The following GAS2 variants were observed in gnomAD, a reference collection of about 807,000 sequenced individuals.
GAS2 encodes growth arrest-specific protein 2.
A neutral mutation model predicts 37.5 loss-of-function variants in GAS2; 20 were observed. That is an observed-to-expected ratio of 0.53 (90% confidence interval 0.37 to 0.77). The LOEUF (loss-of-function observed/expected upper bound fraction) is 0.77. Among genes scored for constraint, GAS2 ranks in the 30% least tolerant of loss-of-function variants. The probability of loss-of-function intolerance (pLI) is 0.00; values close to 1 mark genes in which losing one functional copy is unlikely to be tolerated. For missense variants in GAS2, 336 were observed against 373.4 expected (o/e 0.90, Z 0.82); for synonymous variants, 144 against 132.2 (o/e 1.09, Z -0.61).
intron 1 of GAS2, among the ~76,000 whole-genome samples, chr11:22,653,373 G>T (rs1045277288): frequency 1.3e-5 from 2 of 152,182 alleles, no homozygotes; most frequent in African/African-American, 2.4e-5. Context: ...AGGACTCAAT[G>T]AAATGTTTGC....
At chr11:22,738,343 A>G (rs1360708865) in intron 5 of GAS2, among the ~76,000 whole-genome samples, 1 of 152,196 alleles carries the variant, frequency 6.6e-6, no homozygotes, top group Non-Finnish European at 1.5e-5. Context: ...GAAAAACAAG[A>G]ATTAATTTCA....
intron 5 of GAS2, among the ~76,000 whole-genome samples, chr11:22,746,626 C>T (rs1853416858): frequency 6.6e-6 from 1 of 152,124 alleles, no homozygotes; most frequent in Non-Finnish European, 1.5e-5. Flanking sequence ...TGCATGTTCT[C>T]ACTTATACAT....
At chr11:22,791,349 C>G (rs1169876982) in intron 7 of GAS2, among the ~76,000 whole-genome samples, 2 of 152,124 alleles carry the variant, frequency 1.3e-5, no homozygotes, top group Non-Finnish European at 2.9e-5. Context: ...ACCACCAGGT[C>G]CATGGTGTAG....
rs1590159457 is a variant in GAS2 at position 22,812,188 on chromosome 11, A to T, written c.*172A>T. On this transcript the variant is annotated 3_prime_UTR_variant, in exon 8 of 8. Transcript: ENST00000454584. ...CACTATTTATTTTTAATGCTTCTGT[A>T]GAATATGACCTATTAAAAGAAAATC... 1.7e-6 allele frequency: 1 copy of T among 574,244 alleles called. No individual in the cohort carries two copies. The highest frequency in any genetic ancestry group is 2.4e-5 in the South Asian group (1 of 41,984). The allele number at this position is 574,244 out of a possible 1,614,324, so 35.6% of individuals were successfully genotyped here.
intron 1 of GAS2, among the ~76,000 whole-genome samples, chr11:22,637,838 C>G (rs1373553458): frequency 1.4e-5 from 2 of 147,332 alleles, no homozygotes; most frequent in Non-Finnish European, 3.0e-5. Flanking sequence ...TATTTGAAGC[C>G]CAAAGCTGCC....
chr11:22,695,915 C>T (rs1263264768), intron 3 of GAS2, among the ~76,000 whole-genome samples: 2 of 152,040 alleles, frequency 1.3e-5, no homozygotes, highest in African/African-American at 2.4e-5. Flanking sequence ...TCTTCCTATG[C>T]AAATATTTCT....
At chr11:22,651,906 T>G (rs1350536492) in intron 1 of GAS2, among the ~76,000 whole-genome samples, 1 of 152,232 alleles carries the variant, frequency 6.6e-6, no homozygotes, top group Admixed American at 6.5e-5. Context: ...TCTGAAGCCT[T>G]CTTCTCTCAG....
intron 3 of GAS2, among the ~76,000 whole-genome samples, chr11:22,705,563 A>G (rs1025799843): frequency 6.6e-6 from 1 of 152,210 alleles, no homozygotes. Flanking sequence ...ATATGAACAT[A>G]TAATAATATA....
At chr11:22,644,669 G>A (rs1428431193) in intron 1 of GAS2, among the ~76,000 whole-genome samples, 1 of 130,422 alleles carries the variant, frequency 7.7e-6, no homozygotes, top group African/African-American at 2.5e-5. Flanking sequence ...CACCCAGGCT[G>A]CAGTGCAGTG....
At chr11:22,707,582 C>T (rs757229920) in intron 3 of GAS2, among the ~76,000 whole-genome samples, 11 of 152,014 alleles carry the variant, frequency 7.2e-5, no homozygotes, top group Non-Finnish European at 1.0e-4. Flanking sequence ...TCTAAGTGCT[C>T]GGGGAAGTTT....
chr11:22,761,917 G>A (rs537502604), intron 7 of GAS2, among the ~76,000 whole-genome samples: 170 of 152,140 alleles, frequency 1.1e-3, no homozygotes, highest in Middle Eastern at 6.8e-3. Flanking sequence ...GAATTTCTTG[G>A]ATGATTCAAT....
chr11:22,637,113 A>G (rs1189448553), intron 1 of GAS2, among the ~76,000 whole-genome samples: 20 of 128,416 alleles, frequency 1.6e-4, no homozygotes, highest in African/African-American at 5.5e-4. Flanking sequence ...CATTATATTA[A>G]TATAATATTA....
At chr11:22,760,437 A>T (rs1438069970) in intron 7 of GAS2, among the ~76,000 whole-genome samples, 2 of 152,220 alleles carry the variant, frequency 1.3e-5, no homozygotes, top group East Asian at 3.9e-4. Context: ...TAAGTCCTCC[A>T]GGTGTTTCAT....
intron 3 of GAS2, among the ~76,000 whole-genome samples, chr11:22,695,522 T>C (rs1360281655): frequency 3.9e-5 from 6 of 152,134 alleles, no homozygotes; most frequent in Non-Finnish European, 8.8e-5. Flanking sequence ...TGCTCATTCT[T>C]TTCATGTCTC....
intron 2 of GAS2, 92 bp downstream of exon 2, chr11:22,675,106 C>T: frequency 8.1e-7 from 1 of 1,230,116 alleles, no homozygotes; most frequent in Non-Finnish European, 1.1e-6. Flanking sequence ...CATGTGATAG[C>T]ACCTTGGAAA....
intron 7 of GAS2, among the ~76,000 whole-genome samples, chr11:22,774,342 A>G (rs1382163294): frequency 6.6e-6 from 1 of 152,176 alleles, no homozygotes; most frequent in Non-Finnish European, 1.5e-5. Context: ...TTATTCTGTT[A>G]CAAGTATTTC....
At chr11:22,688,002 T>C (rs2133955373) in intron 3 of GAS2, among the ~76,000 whole-genome samples, 1 of 152,346 alleles carries the variant, frequency 6.6e-6, no homozygotes, top group South Asian at 2.1e-4. Context: ...TTGCTTTGTT[T>C]ATAAGCCTTT....
At chr11:22,796,676 G>A (rs953932041) in intron 7 of GAS2, among the ~76,000 whole-genome samples, 1 of 152,026 alleles carries the variant, frequency 6.6e-6, no homozygotes, top group Non-Finnish European at 1.5e-5. Flanking sequence ...TTACTATTTT[G>A]TTGCCTTTTA....
At chr11:22,722,330 A>G (rs534000022) in intron 3 of GAS2, among the ~76,000 whole-genome samples, 3 of 152,038 alleles carry the variant, frequency 2.0e-5, no homozygotes, top group South Asian at 4.1e-4. Flanking sequence ...TGTTGGATTA[A>G]TCTTGCTGAG....
Sources: gnomAD v4.1 joint callset for allele counts (sites outside exome capture counted in the v4.1 genomes callset) on GRCh38, gnomAD v4.1.1 for gene constraint, MANE v1.5 for transcripts, NCBI Gene and HGNC (gene_info 2026-07-23, HGNC 2026-07-21) for gene names.